SEPTIN9: variants seen among roughly 807,000 people sequenced by gnomAD.
SEPTIN9 encodes the protein septin-9.
SEPTIN9 carries 13 observed loss-of-function variants against 56.6 expected under a neutral mutation model. The observed-to-expected ratio is 0.23, with a 90% CI of 0.15 to 0.37. SEPTIN9 has a LOEUF of 0.37. Among genes scored for constraint, SEPTIN9 ranks in the 10% least tolerant of loss-of-function variants. The probability of loss-of-function intolerance (pLI) is 1.00; values close to 1 mark genes in which losing one functional copy is unlikely to be tolerated. For missense variants in SEPTIN9, 650 were observed against 823.1 expected (o/e 0.79, Z 2.57); for synonymous variants, 332 against 334.1 (o/e 0.99, Z 0.07).
intron 3 of SEPTIN9, among the ~76,000 whole-genome samples, chr17:77,423,107 C>T (rs534037959): frequency 3.0e-4 from 46 of 152,272 alleles, no homozygotes; most frequent in African/African-American, 1.0e-3. Flanking sequence ...GTGATATCCA[C>T]TCATGGCAAC....
chr17:77,403,462 G>A (rs931830843), intron 3 of SEPTIN9, among the ~76,000 whole-genome samples: 4 of 152,216 alleles, frequency 2.6e-5, no homozygotes, highest in Non-Finnish European at 4.4e-5. Context: ...GCCCACAGCC[G>A]TGCTGACATG....
chr17:77,307,122 C>T lies in SEPTIN9; in HGVS notation c.20-19C>T, dbSNP rs372523373. On this transcript the variant is annotated intron_variant, in intron 1 of 11. Transcript: ENST00000427177. Reference sequence around the variant, plus strand: ...GCCAGTGGCCTTGTGTGACCTTTGCCCTTTGTCTCTGTCTTTAGGAGGCAC... The same window carrying T: ...GCCAGTGGCCTTGTGTGACCTTTGCTCTTTGTCTCTGTCTTTAGGAGGCAC... 388 of 1,613,520 alleles carry T rather than the reference C, an allele frequency of 2.4e-4. No homozygotes were observed. Among genetic ancestry groups the T allele is most frequent in the Non-Finnish European group, 2.3e-4 (270 of 1,179,504 alleles).
At chr17:77,430,233 G>A (rs868528389) in intron 3 of SEPTIN9, among the ~76,000 whole-genome samples, 1 of 152,102 alleles carries the variant, frequency 6.6e-6, no homozygotes, top group Non-Finnish European at 1.5e-5. Context: ...TTCTCTGCCC[G>A]AGCCGTGACC....
chr17:77,438,628 C>T (rs2037438465), intron 3 of SEPTIN9, among the ~76,000 whole-genome samples: 1 of 152,214 alleles, frequency 6.6e-6, no homozygotes, highest in Non-Finnish European at 1.5e-5. Context: ...CCAAGAAATG[C>T]AGGTGAACAG....
At position 77,488,925 on chromosome 17, in the gene SEPTIN9, G is replaced by A. The variant is rs536637392; in HGVS notation, c.1262+61G>A. ...TGCCCTGGGTTCCCTCTGTCCCCTG[G>A]GACTGCAAGACGGTGCTGTCTGCCC... On this transcript the variant is annotated intron_variant, in intron 7 of 11. Coordinates refer to ENST00000427177, the MANE Select transcript of SEPTIN9 (RefSeq NM_001113491.2). The A allele has an allele frequency of 1.4e-3, 2,179 of 1,599,766 alleles. 5 individuals are homozygous for A. Among genetic ancestry groups the A allele is most frequent in the Non-Finnish European group, 1.7e-3 (2,026 of 1,174,596 alleles).
At chr17:77,328,803 A>C (rs939986702) in intron 2 of SEPTIN9, among the ~76,000 whole-genome samples, 3 of 152,234 alleles carry the variant, frequency 2.0e-5, no homozygotes, top group African/African-American at 7.2e-5. Context: ...TCCACAAATG[A>C]GCAAATCCAT....
rs2037927897 is a variant in SEPTIN9 at position 77,450,611 on chromosome 17, C to G, written c.722-31533C>G. 4 of 985,656 alleles carry G rather than the reference C, an allele frequency of 4.1e-6. No homozygotes were observed. The highest frequency in any genetic ancestry group is 4.8e-6 in the Non-Finnish European group (4 of 830,218). The allele number at this position is 985,656 out of a possible 1,614,324, so 61.1% of individuals were successfully genotyped here. On this transcript the variant is annotated intron_variant, in intron 3 of 11. Transcript: ENST00000427177. The surrounding 1 kb of genome is among the most constrained non-coding windows in gnomAD (Gnocchi z 6.0). ...GCCCAGCCCCTATAGTGTCAGCTCC[C>G]TCCTCTGGGGACCCCCTTGCTTGTG...
chr17:77,370,345 CCT>C (rs755361699), intron 2 of SEPTIN9, among the ~76,000 whole-genome samples: 1 of 152,176 alleles, frequency 6.6e-6, no homozygotes, highest in Non-Finnish European at 1.5e-5. Context: ...CCGGTCTCTG[CCT>C]CTGTCTTCAC....
chr17:77,324,056 C>T (rs1388703392), intron 2 of SEPTIN9, among the ~76,000 whole-genome samples: 7 of 152,216 alleles, frequency 4.6e-5, no homozygotes, highest in Non-Finnish European at 7.3e-5. Flanking sequence ...CAGCTTCTGG[C>T]GGCTCCCGAA....
At chr17:77,485,181 G>A (rs2039706788) in intron 4 of SEPTIN9, among the ~76,000 whole-genome samples, 1 of 147,924 alleles carries the variant, frequency 6.8e-6, no homozygotes, top group South Asian at 2.2e-4. Context: ...GGGTGATGGT[G>A]ATTGTGGTGG....
At chr17:77,345,487 CA>C (rs1031321008) in intron 2 of SEPTIN9, among the ~76,000 whole-genome samples, 42 of 152,276 alleles carry the variant, frequency 2.8e-4, no homozygotes, top group African/African-American at 9.6e-4. Context: ...CTACTGGTAA[CA>C]AAAAGGTTCT....
chr17:77,350,194 C>A (rs186224536), intron 2 of SEPTIN9, among the ~76,000 whole-genome samples: 7 of 150,368 alleles, frequency 4.7e-5, no homozygotes, highest in Non-Finnish European at 1.0e-4. Flanking sequence ...CAACCAGCAT[C>A]TTTTGCAGAC....
In SEPTIN9 at chr17:77,281,670, CG is replaced by C. The variant is rs974298323; in HGVS notation, c.19+119del. 3.1e-5 allele frequency: 32 copies of C among 1,035,338 alleles called. No homozygotes were observed. The African/African-American group carries it at 5.1e-4, about 16-fold the overall frequency. The allele number at this position is 1,035,338 out of a possible 1,614,324, so 64.1% of individuals were successfully genotyped here. On this transcript the variant is annotated intron_variant, in intron 1 of 11. Coordinates refer to ENST00000427177, the MANE Select transcript of SEPTIN9 (RefSeq NM_001113491.2). ...CCCGGAGCTGAGCGAGTCCCCGCGG[CG>C]GGCACACTGCAGGTCGAGTTCCTCC...
intron 3 of SEPTIN9, among the ~76,000 whole-genome samples, chr17:77,408,451 C>G (rs1027646301): frequency 1.2e-4 from 18 of 152,166 alleles, no homozygotes; most frequent in Non-Finnish European, 8.8e-5. Context: ...GTCAGGCCCC[C>G]CCGAGCTGAT....
chr17:77,442,998 T>C (rs1568072424), intron 3 of SEPTIN9, among the ~76,000 whole-genome samples: 1 of 151,922 alleles, frequency 6.6e-6, no homozygotes. Flanking sequence ...TTCTTAGGTG[T>C]GGTGTGGAAA....
intron 2 of SEPTIN9, among the ~76,000 whole-genome samples, chr17:77,341,192 C>T (rs778180125): frequency 2.0e-5 from 3 of 152,120 alleles, no homozygotes; most frequent in South Asian, 2.1e-4. Context: ...TCTTGGCTTT[C>T]GACACGCCTT....
At chr17:77,325,412 AG>A (rs1212177117) in intron 2 of SEPTIN9, among the ~76,000 whole-genome samples, 3 of 151,812 alleles carry the variant, frequency 2.0e-5, no homozygotes, top group Non-Finnish European at 4.4e-5. Flanking sequence ...GGTGGCGGGG[AG>A]GAGTGGGGAA....
chr17:77,439,252 T>G (rs568962553), intron 3 of SEPTIN9, among the ~76,000 whole-genome samples: 1 of 152,192 alleles, frequency 6.6e-6, no homozygotes, highest in South Asian at 2.1e-4. Context: ...AACAGCAGCA[T>G]TGGCAGGGGT....
chr17:77,412,157 A>G (rs2036328518), intron 3 of SEPTIN9, among the ~76,000 whole-genome samples: 1 of 147,590 alleles, frequency 6.8e-6, no homozygotes, highest in Non-Finnish European at 1.5e-5. Flanking sequence ...AAAAAAATTG[A>G]TCCTTGTTCC....
Sources: allele counts gnomAD v4.1 joint callset (sites outside exome capture counted in the v4.1 genomes callset), GRCh38; gene constraint gnomAD v4.1.1; non-coding constraint Gnocchi (gnomAD v3.1); transcripts MANE v1.5; gene names NCBI Gene and HGNC (gene_info 2026-07-23, HGNC 2026-07-21).